Variants in LARP4B observed in about 807,000 individuals in gnomAD.
LARP4B encodes La ribonucleoprotein 4B, also known as la-related protein 4B.
Under a neutral mutation model 89.8 loss-of-function variants are expected in LARP4B, and 12 were observed. The ratio of observed to expected loss-of-function variants is 0.13; its 90% CI spans 0.09 to 0.22. The LOEUF is 0.22. Among genes scored for constraint, LARP4B ranks in the 10% least tolerant of loss-of-function variants. The pLI is 1.00. For synonymous variants in LARP4B, 367 were observed against 363.3 expected, an observed-to-expected ratio of 1.01 and a Z score of -0.12; for missense variants, 757 against 947.7, an observed-to-expected ratio of 0.80 and a Z score of 2.64.
chr10:825,898 A>C (rs375699900), intron 11 of LARP4B, 28 bp from the exon 12 acceptor site: 65 of 1,433,968 alleles, frequency 4.5e-5, no homozygotes, highest in Non-Finnish European at 5.6e-5. Flanking sequence ...CAGACAAGTA[A>C]ATAAACCATA....
At position 931,676 on chromosome 10, in the gene LARP4B, C is replaced by T. The variant is rs1830622308; in HGVS notation, c.-288G>A. 1 of 152,038 alleles carries T rather than the reference C, an allele frequency of 6.6e-6. No homozygotes were observed. Among genetic ancestry groups the T allele is most frequent in the Non-Finnish European group, 1.5e-5 (1 of 67,940 alleles). 9.4% of individuals were successfully genotyped at this position (152,038 alleles called of 1,614,324 possible). On this transcript the variant is annotated 5_prime_UTR_variant, in exon 1 of 18. Transcript: ENST00000316157. Reference sequence around the variant, plus strand: ...CCCGGGACTCCAGATCCCCAACGCTCCTTCCCGTTCGCATGAGAACACACA... The same window carrying T: ...CCCGGGACTCCAGATCCCCAACGCTTCTTCCCGTTCGCATGAGAACACACA...
At chr10:901,589 T>C (rs1836347126) in intron 1 of LARP4B, among the ~76,000 whole-genome samples, 1 of 152,184 alleles carries the variant, frequency 6.6e-6, no homozygotes, top group Admixed American at 6.5e-5. Context: ...CAAGATTCAG[T>C]ATCTCTATGA....
intron 5 of LARP4B, among the ~76,000 whole-genome samples, chr10:858,472 AT>A (rs1199589978): frequency 6.6e-6 from 1 of 152,256 alleles, no homozygotes. Flanking sequence ...AACCTTCATT[AT>A]AATAAATTCA....
chr10:854,251 C>T (rs144590378), intron 5 of LARP4B, among the ~76,000 whole-genome samples: 132 of 152,284 alleles, frequency 8.7e-4, no homozygotes, highest in African/African-American at 2.9e-3. Flanking sequence ...CAATGTCCTC[C>T]GTGAGGGCTG....
chr10:964,363 C>G, the LARP4B span, among the ~76,000 whole-genome samples: 2 of 152,198 alleles, frequency 1.3e-5, no homozygotes, highest in African/African-American at 4.8e-5. Flanking sequence ...CCATGCCCAG[C>G]CCAGATTCAT....
intron 6 of LARP4B, among the ~76,000 whole-genome samples, chr10:844,453 ATC>A (rs1833677594): frequency 6.6e-6 from 1 of 152,208 alleles, no homozygotes; most frequent in African/African-American, 2.4e-5. Context: ...GAAAATCATC[ATC>A]GACAGAAAAC....
intron 1 of LARP4B, among the ~76,000 whole-genome samples, chr10:889,297 C>A (rs923550897): frequency 6.6e-6 from 1 of 152,160 alleles, no homozygotes; most frequent in Admixed American, 6.5e-5. Context: ...CAGGTGGCCA[C>A]AGCCTATCCC....
At chr10:906,481 C>T (rs1036820838) in intron 1 of LARP4B, among the ~76,000 whole-genome samples, 1 of 152,202 alleles carries the variant, frequency 6.6e-6, no homozygotes, top group Non-Finnish European at 1.5e-5. Flanking sequence ...AGAAGCCCAG[C>T]GCCAGTGTGG....
At chr10:956,420 A>T in the LARP4B span, among the ~76,000 whole-genome samples, 4 of 150,890 alleles carry the variant, frequency 2.7e-5, no homozygotes, top group South Asian at 8.4e-4. This position sits in a 1 kb window ranked among gnomAD's most constrained non-coding sequence, Gnocchi z 4.3. Context: ...ATCTCGGCTC[A>T]CTGCAAGGTC....
intron 15 of LARP4B, among the ~76,000 whole-genome samples, chr10:816,697 C>T (rs558531361): frequency 2.0e-4 from 31 of 152,264 alleles, no homozygotes; most frequent in African/African-American, 6.0e-4. Flanking sequence ...TTAGAAATGA[C>T]GGTGTGGAAA....
Position 863,207 on chromosome 10 carries a change from G to A in LARP4B, c.430+536C>T, listed in dbSNP as rs997786858. Among the ~76,000 whole-genome samples the A allele has an allele frequency of 1.1e-3, 163 of 149,118 alleles. 2 individuals carry two copies. The highest frequency in any genetic ancestry group is 3.9e-3 in the African/African-American group (161 of 40,778). On this transcript the variant is annotated intron_variant, in intron 5 of 17. Transcript: ENST00000316157. Reference sequence around the variant, plus strand: ...ACCTCTGCACTTTTACTGACACTTCGCACTACTAAATAGGTTTCATTTTTT... The same window carrying A: ...ACCTCTGCACTTTTACTGACACTTCACACTACTAAATAGGTTTCATTTTTT...
At chr10:962,856 G>A in the LARP4B span, among the ~76,000 whole-genome samples, 1 of 152,002 alleles carries the variant, frequency 6.6e-6, no homozygotes, top group African/African-American at 2.4e-5. Flanking sequence ...CGTAGCCTCA[G>A]TGAGCTCGGA....
upstream of LARP4B, among the ~76,000 whole-genome samples, chr10:934,513 AAAACT>A (rs1262578714): frequency 6.6e-6 from 1 of 152,066 alleles, no homozygotes; most frequent in East Asian, 1.9e-4. Context: ...GAAAAAAACT[AAAACT>A]AAAAGAATTC....
At chr10:825,933 C>A in intron 11 of LARP4B, 63 bp from the exon 12 acceptor site, 1 of 1,059,624 alleles carries the variant, frequency 9.4e-7, no homozygotes, top group South Asian at 1.4e-5. Context: ...TTCATTAATA[C>A]CAACAAATCT....
the LARP4B span, among the ~76,000 whole-genome samples, chr10:955,292 C>T: frequency 3.9e-5 from 6 of 152,248 alleles, no homozygotes; most frequent in Non-Finnish European, 7.3e-5. This position sits in a 1 kb window ranked among gnomAD's most constrained non-coding sequence, Gnocchi z 5.2. Context: ...CCTGCCCCCT[C>T]GACCCAGCCA....
In LARP4B at chr10:820,721, A is replaced by C. The variant is rs138373424; in HGVS notation, c.1530+79T>G. On this transcript the variant is annotated intron_variant, in intron 14 of 17. Coordinates refer to ENST00000316157, the MANE Select transcript of LARP4B (RefSeq NM_015155.3). ...TGCTCATTCTTGTGCCTTAACCTTA[A>C]TCCATTTAATTAAATCTCAGGTTTG... The C allele has an allele frequency of 8.7e-3, 10,976 of 1,266,944 alleles. 78 individuals are homozygous for C. The highest frequency in any genetic ancestry group is 0.018 in the Middle Eastern group (93 of 5,258). 78.5% of individuals were successfully genotyped at this position (1,266,944 alleles called of 1,614,324 possible). A position where few individuals can be genotyped will look rare whatever the true frequency, so the allele number is the denominator to read the frequency against.
At chr10:963,941 A>G in the LARP4B span, among the ~76,000 whole-genome samples, 1 of 152,116 alleles carries the variant, frequency 6.6e-6, no homozygotes, top group African/African-American at 2.4e-5. Flanking sequence ...TCCAACATGT[A>G]TTTTTGGGGG....
the LARP4B span, among the ~76,000 whole-genome samples, chr10:985,033 T>C: frequency 6.6e-6 from 1 of 152,180 alleles, no homozygotes; most frequent in Admixed American, 6.5e-5. Context: ...GAGAGTGGCT[T>C]TGGAGTTCCA....
chr10:844,189 T>C (rs1295337840), intron 6 of LARP4B, among the ~76,000 whole-genome samples: 2 of 152,234 alleles, frequency 1.3e-5, no homozygotes, highest in African/African-American at 4.8e-5. Flanking sequence ...TCTGGCCCCA[T>C]GGGGCTACAC....
Sources: gnomAD v4.1 joint callset for allele counts (sites outside exome capture counted in the v4.1 genomes callset) on GRCh38, gnomAD v4.1.1 for gene constraint, Gnocchi (gnomAD v3.1) non-coding constraint, MANE v1.5 for transcripts, NCBI Gene and HGNC (gene_info 2026-07-23, HGNC 2026-07-21) for gene names.